The following KAZN variants were observed in gnomAD, a reference collection of about 807,000 sequenced individuals.
KAZN encodes kazrin.
In KAZN, 40 loss-of-function variants were observed where a neutral mutation model predicts 87.4. The observed-to-expected ratio is 0.46, with a 90% CI of 0.36 to 0.60. KAZN has a LOEUF of 0.60. Among genes scored for constraint, KAZN ranks in the 20% least tolerant of loss-of-function variants. The probability of loss-of-function intolerance (pLI) is 0.00; values close to 1 mark genes in which losing one functional copy is unlikely to be tolerated. For synonymous variants in KAZN, 466 were observed against 458.3 expected (o/e 1.02, Z -0.22); for missense variants, 898 against 1,073.9 (o/e 0.84, Z 2.29).
Position 14,849,742 on chromosome 1 carries a change from T to C in KAZN, c.227-110942T>C, listed in dbSNP as rs550823399. On this transcript the variant is annotated intron_variant, in intron 1 of 14. Coordinates refer to ENST00000376030, the MANE Select transcript of KAZN (RefSeq NM_201628.3). Reference sequence around the variant, plus strand: ...GGGCATTCGCTTCTGATAGAGACCATTTTCATCAAAATTAAAAATCGAATC... The same window carrying C: ...GGGCATTCGCTTCTGATAGAGACCACTTTCATCAAAATTAAAAATCGAATC... Among the ~76,000 whole-genome samples the C allele has an allele frequency of 2.6e-5, 4 of 152,300 alleles. No homozygotes were observed. In the South Asian group the frequency reaches 6.2e-4, roughly 24 times the overall value.
chr1:13,914,633 A>C (rs1397983362), intron 1 of KAZN, among the ~76,000 whole-genome samples: 2 of 152,196 alleles, frequency 1.3e-5, no homozygotes, highest in East Asian at 3.8e-4. Flanking sequence ...AAAAAGCAAG[A>C]AGCCACACTG....
intron 1 of KAZN, among the ~76,000 whole-genome samples, chr1:14,054,629 C>A (rs77371139): frequency 6.6e-6 from 1 of 152,002 alleles, no homozygotes; most frequent in South Asian, 2.1e-4. Context: ...GACATAAGGA[C>A]CTGGAAAATG....
intron 1 of KAZN, among the ~76,000 whole-genome samples, chr1:13,930,681 C>T (rs1310540323): frequency 6.6e-6 from 1 of 152,146 alleles, no homozygotes; most frequent in East Asian, 1.9e-4. Flanking sequence ...ATAAGAAAAG[C>T]ATAAAAGTCA....
chr1:15,100,983 T>G lies in KAZN; in HGVS notation c.1548-560T>G, dbSNP rs570845718. ...GATGCTGTGGAGGCCCCCAGGGAAA[T>G]GAGGGGGGCTTAGGTGGAGGGGCGG... is the stretch of plus-strand genomic sequence containing the variant. On this transcript the variant is annotated intron_variant, in intron 10 of 14. Coordinates refer to ENST00000376030, the MANE Select transcript of KAZN (RefSeq NM_201628.3). Among the ~76,000 whole-genome samples the G allele has an allele frequency of 4.6e-5, 7 of 152,144 alleles. No homozygotes were observed. The South Asian group carries it at 1.5e-3, about 32-fold the overall frequency.
At chr1:13,962,680 C>A (rs930074204) in intron 1 of KAZN, among the ~76,000 whole-genome samples, 1 of 152,202 alleles carries the variant, frequency 6.6e-6, no homozygotes, top group Non-Finnish European at 1.5e-5. Flanking sequence ...GCCTCAGCCT[C>A]CCATGTAGCC....
intron 1 of KAZN, among the ~76,000 whole-genome samples, chr1:14,784,719 A>G (rs565492833): frequency 6.6e-6 from 1 of 152,314 alleles, no homozygotes; most frequent in Non-Finnish European, 1.5e-5. Flanking sequence ...ACACCATGCC[A>G]CTGCACTCCG....
chr1:14,702,508 C>G (rs1341999111), intron 1 of KAZN, among the ~76,000 whole-genome samples: 2 of 152,154 alleles, frequency 1.3e-5, no homozygotes, highest in African/African-American at 4.8e-5. Flanking sequence ...AAACTTTGCT[C>G]AGGATCTCAG....
chr1:14,742,492 G>A (rs1291357734), intron 1 of KAZN, among the ~76,000 whole-genome samples: 3 of 152,128 alleles, frequency 2.0e-5, no homozygotes, highest in Non-Finnish European at 4.4e-5. Context: ...AATGAATGAA[G>A]GAATGAGCGA....
At chr1:14,659,147 A>G (rs1480703182) in intron 1 of KAZN, among the ~76,000 whole-genome samples, 2 of 152,170 alleles carry the variant, frequency 1.3e-5, no homozygotes. Flanking sequence ...CTGAAGCACA[A>G]GAATTGCTTG....
chr1:14,003,388 A>G (rs1234878516), intron 1 of KAZN, among the ~76,000 whole-genome samples: 1 of 152,058 alleles, frequency 6.6e-6, no homozygotes, highest in Non-Finnish European at 1.5e-5. Context: ...TGGAAATGCA[A>G]GATGCTAGGA....
intron 2 of KAZN, among the ~76,000 whole-genome samples, chr1:14,290,588 T>G (rs1437235554): frequency 6.6e-6 from 1 of 152,238 alleles, no homozygotes. Context: ...TAATCTTTTT[T>G]CAAGGTTTTC....
chr1:14,377,961 C>T (rs1661049293), intron 2 of KAZN, among the ~76,000 whole-genome samples: 1 of 152,180 alleles, frequency 6.6e-6, no homozygotes, highest in African/African-American at 2.4e-5. Flanking sequence ...TACAAAATTA[C>T]CCCCAGCTGA....
chr1:14,203,677 A>T (rs907424338), intron 2 of KAZN, among the ~76,000 whole-genome samples: 3 of 152,220 alleles, frequency 2.0e-5, no homozygotes, highest in African/African-American at 4.8e-5. Flanking sequence ...GTTATCCCAT[A>T]ACCCAATAAA....
intron 2 of KAZN, among the ~76,000 whole-genome samples, chr1:14,585,656 T>G (rs1314848638): frequency 6.6e-6 from 1 of 152,020 alleles, no homozygotes; most frequent in Non-Finnish European, 1.5e-5. Context: ...TCCACCTACT[T>G]CAAGTAACGA....
At chr1:14,386,303 G>T (rs1661882800) in intron 2 of KAZN, among the ~76,000 whole-genome samples, 1 of 146,556 alleles carries the variant, frequency 6.8e-6, no homozygotes, top group Non-Finnish European at 1.5e-5. Context: ...GGAGCATTTA[G>T]TCCATTTACA....
chr1:14,209,432 T>C (rs1646809681), intron 2 of KAZN, among the ~76,000 whole-genome samples: 3 of 152,198 alleles, frequency 2.0e-5, no homozygotes, highest in African/African-American at 7.2e-5. Flanking sequence ...TTTCAGTAAG[T>C]AAAACCCTAT....
At chr1:13,905,836 A>AGCGAT (rs1639416750) in intron 1 of KAZN, among the ~76,000 whole-genome samples, 1 of 152,088 alleles carries the variant, frequency 6.6e-6, no homozygotes, top group Non-Finnish European at 1.5e-5. Flanking sequence ...AATTACCACA[A>AGCGAT]CCTCGGTGAC....
intron 2 of KAZN, among the ~76,000 whole-genome samples, chr1:14,350,666 TGTGGAA>T (rs1036175211): frequency 6.6e-6 from 1 of 152,164 alleles, no homozygotes; most frequent in Non-Finnish European, 1.5e-5. Flanking sequence ...GTGTCCACAG[TGTGGAA>T]GTGGCAGAGA....
chr1:14,460,609 A>G (rs1002155244), intron 2 of KAZN, among the ~76,000 whole-genome samples: 2 of 152,210 alleles, frequency 1.3e-5, no homozygotes, highest in African/African-American at 4.8e-5. Context: ...CTCTATGACA[A>G]TCTTTCCCCT....
Sources: allele counts gnomAD v4.1 joint callset (sites outside exome capture counted in the v4.1 genomes callset), GRCh38; gene constraint gnomAD v4.1.1; transcripts MANE v1.5; gene names NCBI Gene and HGNC (gene_info 2026-07-23, HGNC 2026-07-21).